The following NAALADL2 variants were observed in gnomAD, a reference collection of about 807,000 sequenced individuals.
NAALADL2 encodes N-acetylated alpha-linked acidic dipeptidase like 2, also known as inactive N-acetylated-alpha-linked acidic dipeptidase-like protein 2.
In NAALADL2, 76 loss-of-function variants were observed where a neutral mutation model predicts 87.2. That is an observed-to-expected ratio of 0.87 (90% CI 0.72 to 1.05). NAALADL2 has a LOEUF of 1.05. Ranked by LOEUF, NAALADL2 falls within the 50% of genes least tolerant of loss-of-function variation. The pLI is 0.00. For synonymous variants in NAALADL2, 354 were observed against 331.0 expected, an observed-to-expected ratio of 1.07 and a Z score of -0.75; for missense variants, 1,089 against 945.8, an observed-to-expected ratio of 1.15 and a Z score of -1.99.
chr3:175,652,591 G>T (rs1166082358), intron 11 of NAALADL2, among the ~76,000 whole-genome samples: 3 of 149,452 alleles, frequency 2.0e-5, no homozygotes, highest in African/African-American at 7.4e-5. Context: ...CCATTCTCCT[G>T]CCTCAGCCTC....
chr3:174,895,836 ATCAT>A (rs985858163), intron 1 of NAALADL2, among the ~76,000 whole-genome samples: 5 of 152,172 alleles, frequency 3.3e-5, no homozygotes, highest in African/African-American at 1.2e-4. Flanking sequence ...CATTAGAAAG[ATCAT>A]TCATCATGAT....
intron 2 of NAALADL2, among the ~76,000 whole-genome samples, chr3:174,652,419 A>G (rs1176357710): frequency 6.6e-6 from 1 of 152,206 alleles, no homozygotes; most frequent in Non-Finnish European, 1.5e-5. Flanking sequence ...TTATAAAGGA[A>G]AGGGGTTTAA....
intron 1 of NAALADL2, among the ~76,000 whole-genome samples, chr3:175,079,881 T>A (rs1717403729): frequency 6.6e-6 from 1 of 152,192 alleles, no homozygotes; most frequent in Non-Finnish European, 1.5e-5. Context: ...GCCCTCAATT[T>A]AGCTTTCTGT....
chr3:175,107,675 TTAAC>T (rs1204350963), intron 2 of NAALADL2, among the ~76,000 whole-genome samples: 2 of 152,072 alleles, frequency 1.3e-5, no homozygotes, highest in Middle Eastern at 3.4e-3. Flanking sequence ...TCCTTAGGGT[TTAAC>T]TAATAATATG....
chr3:175,330,830 A>C (rs1213608663), intron 5 of NAALADL2, among the ~76,000 whole-genome samples: 1 of 152,142 alleles, frequency 6.6e-6, no homozygotes, highest in Non-Finnish European at 1.5e-5. Flanking sequence ...AAGGAACTAG[A>C]GTCTTGAAAA....
chr3:175,322,985 T>G (rs1164292793), intron 4 of NAALADL2, among the ~76,000 whole-genome samples: 1 of 151,866 alleles, frequency 6.6e-6, no homozygotes, highest in African/African-American at 2.4e-5. Flanking sequence ...ATCCCATTAC[T>G]GGGTATATAC....
At chr3:174,868,675 A>G (rs1371466936) in intron 1 of NAALADL2, among the ~76,000 whole-genome samples, 1 of 152,148 alleles carries the variant, frequency 6.6e-6, no homozygotes, top group Non-Finnish European at 1.5e-5. Context: ...TCTTGCTTGG[A>G]TGACAGCAGG....
At chr3:175,614,333 G>A (rs527743742) in intron 10 of NAALADL2, among the ~76,000 whole-genome samples, 20 of 152,304 alleles carry the variant, frequency 1.3e-4, no homozygotes, top group Admixed American at 1.0e-3. Flanking sequence ...TGATAGGCGT[G>A]AGCCACCACC....
At chr3:175,758,242 G>A (rs1747528954) in intron 13 of NAALADL2, among the ~76,000 whole-genome samples, 1 of 151,924 alleles carries the variant, frequency 6.6e-6, no homozygotes, top group Non-Finnish European at 1.5e-5. Flanking sequence ...AAGTGTCGAT[G>A]GTGATAATGT....
At position 175,513,629 on chromosome 3, in the gene NAALADL2, G is replaced by C. The variant is rs1041235083; in HGVS notation, c.1653+41871G>C. On this transcript the variant is annotated intron_variant, in intron 9 of 13. Coordinates refer to ENST00000454872, the MANE Select transcript of NAALADL2 (RefSeq NM_207015.3). ...TTTTACATTTATGAAATATGTAAAAGACTGTACATAAAAGATCTTTTATTT... is the reference window on the plus strand; with the variant it reads ...TTTTACATTTATGAAATATGTAAAACACTGTACATAAAAGATCTTTTATTT... Among the ~76,000 whole-genome samples the C allele has an allele frequency of 2.0e-4, 31 of 152,268 alleles. 2 individuals are homozygous for C. The highest frequency in any genetic ancestry group is 8.5e-4 in the Admixed American group (13 of 15,296).
At position 175,384,009 on chromosome 3, in the gene NAALADL2, GCTTA is replaced by G. The variant is rs1196276760; in HGVS notation, c.1090+59688_1090+59691del. Among the ~76,000 whole-genome samples, 6 of 152,098 alleles carry G rather than the reference GCTTA, an allele frequency of 3.9e-5. No homozygotes were observed. In the South Asian group the frequency reaches 1.0e-3, roughly 26 times the overall value. Reference sequence around the variant, plus strand: ...CATGCAACCCTGTTTTCATTAGGATGCTTACTTCTTGCCTCAAGGCTCTTACAAT... The same window carrying G: ...CATGCAACCCTGTTTTCATTAGGATGCTTCTTGCCTCAAGGCTCTTACAAT... On this transcript the variant is annotated intron_variant, in intron 5 of 13. Coordinates refer to ENST00000454872, the MANE Select transcript of NAALADL2 (RefSeq NM_207015.3).
chr3:175,724,029 A>G (rs1372776962), intron 11 of NAALADL2, among the ~76,000 whole-genome samples: 1 of 152,042 alleles, frequency 6.6e-6, no homozygotes, highest in Non-Finnish European at 1.5e-5. Flanking sequence ...ATAGCATCCA[A>G]ACCATCCAAA....
At chr3:175,698,381 ATGTATGTATACATATGTATGTG>A (rs1409100788) in intron 11 of NAALADL2, among the ~76,000 whole-genome samples, 1 of 119,430 alleles carries the variant, frequency 8.4e-6, no homozygotes, top group Non-Finnish European at 1.7e-5. Context: ...ATGTGTATTT[ATGTATGTATACATATGTATGTG>A]TATTTATGTA....
At chr3:175,052,517 A>C (rs1435457975) in intron 1 of NAALADL2, among the ~76,000 whole-genome samples, 1 of 152,212 alleles carries the variant, frequency 6.6e-6, no homozygotes, top group Non-Finnish European at 1.5e-5. Context: ...CAAACAACAC[A>C]GATTAAAATC....
chr3:174,922,925 A>G (rs1320923085), intron 1 of NAALADL2, among the ~76,000 whole-genome samples: 1 of 152,186 alleles, frequency 6.6e-6, no homozygotes, highest in Non-Finnish European at 1.5e-5. Flanking sequence ...GTGAAGCAGA[A>G]GTCTTCAACG....
intron 1 of NAALADL2, among the ~76,000 whole-genome samples, chr3:174,987,568 CAA>C (rs1159602995): frequency 8.6e-3 from 178 of 20,696 alleles, no homozygotes; most frequent in Non-Finnish European, 0.018. Flanking sequence ...GACTCCGTCT[CAA>C]AAAAAAAAAA....
chr3:175,575,938 G>A (rs1256548258), intron 9 of NAALADL2, 103 bp from the exon 10 acceptor site: 3 of 919,410 alleles, frequency 3.3e-6, no homozygotes, highest in Non-Finnish European at 4.8e-6. Flanking sequence ...TCTCCAGGGA[G>A]ACATTGATGC....
intron 1 of NAALADL2, among the ~76,000 whole-genome samples, chr3:174,454,638 T>G (rs1000495627): frequency 3.3e-5 from 5 of 152,174 alleles, no homozygotes; most frequent in African/African-American, 1.2e-4. Flanking sequence ...CCTGATTGAC[T>G]TTTGTGTCAA....
intron 5 of NAALADL2, among the ~76,000 whole-genome samples, chr3:175,439,259 G>T (rs1342564406): frequency 2.6e-5 from 4 of 151,766 alleles, no homozygotes; most frequent in African/African-American, 9.7e-5. Context: ...CATTTGGGCT[G>T]GTTCCTTATT....
Sources: allele counts gnomAD v4.1 joint callset (sites outside exome capture counted in the v4.1 genomes callset), GRCh38; gene constraint gnomAD v4.1.1; transcripts MANE v1.5; gene names NCBI Gene and HGNC (gene_info 2026-07-23, HGNC 2026-07-21).